Variants in GARIN2 observed in about 807,000 individuals in gnomAD.
GARIN2 encodes Golgi-associated RAB2 interactor protein 2.
chr14:67,220,471 C>G, the GARIN2 span, among the ~76,000 whole-genome samples: 1 of 151,712 alleles, frequency 6.6e-6, no homozygotes. Flanking sequence ...AAATGATGAC[C>G]TTGTTGAATA....
chr14:67,216,144 G>A, the GARIN2 span, among the ~76,000 whole-genome samples: 1 of 152,046 alleles, frequency 6.6e-6, no homozygotes, highest in Admixed American at 6.6e-5. Flanking sequence ...TACAGTCAAT[G>A]AACACATATT....
the GARIN2 span, among the ~76,000 whole-genome samples, chr14:67,195,836 C>T: frequency 9.9e-5 from 15 of 151,908 alleles, no homozygotes; most frequent in Non-Finnish European, 8.8e-5. Flanking sequence ...CTCCGCCTCC[C>T]GGGTTCAAGC....
chr14:67,227,440 AAAAAAAAAAAAAAAAG>A, the GARIN2 span: 1 of 90,576 alleles, frequency 1.1e-5, no homozygotes, highest in Non-Finnish European at 1.9e-5. Flanking sequence ...ATGCTGTCTC[AAAAAAAAAAAAAAAAG>A]AAAAAAAAGA....
the GARIN2 span, chr14:67,199,625 T>C: frequency 6.3e-7 from 1 of 1,584,916 alleles, no homozygotes; most frequent in Non-Finnish European, 8.7e-7. Context: ...GCGCCATGGC[T>C]TAGCAGCTGG....
chr14:67,225,926 A>AGTGTGTGTGTGTGTGTGTGTGT, the GARIN2 span, among the ~76,000 whole-genome samples: 250 of 136,696 alleles, frequency 1.8e-3, 2 homozygotes, highest in Middle Eastern at 3.7e-3. Flanking sequence ...TAATGCTGTG[A>AGTGTGTGTGTGTGTGTGTGTGT]GTGTGTGTGT....
At chr14:67,193,772 A>G in the GARIN2 span, among the ~76,000 whole-genome samples, 1 of 142,608 alleles carries the variant, frequency 7.0e-6, no homozygotes, top group African/African-American at 2.6e-5. Context: ...GGAAGACCCA[A>G]TTTCTACAAA....
chr14:67,221,367 C>T, the GARIN2 span, among the ~76,000 whole-genome samples: 3 of 152,192 alleles, frequency 2.0e-5, no homozygotes, highest in African/African-American at 7.2e-5. Context: ...CCCCAGGTCT[C>T]TTTGAAACCC....
the GARIN2 span, among the ~76,000 whole-genome samples, chr14:67,193,390 G>T: frequency 8.3e-5 from 11 of 132,914 alleles, no homozygotes; most frequent in East Asian, 2.2e-4. Context: ...GATATATCTA[G>T]ATATATCTAG....
At chr14:67,197,383 A>G in the GARIN2 span, 3 of 152,172 alleles carry the variant, frequency 2.0e-5, no homozygotes, top group African/African-American at 7.2e-5. Context: ...TCTTACAGAT[A>G]AACCATGTGG....
the GARIN2 span, chr14:67,208,378 G>C: frequency 6.2e-7 from 1 of 1,614,012 alleles, no homozygotes; most frequent in Non-Finnish European, 8.5e-7. Context: ...CATCCAAGGA[G>C]ATGAAGGATA....
chr14:67,225,962 T>TGTGTGTGTGTGTGTGTGTGTGTGC, the GARIN2 span, among the ~76,000 whole-genome samples: 6 of 113,516 alleles, frequency 5.3e-5, no homozygotes, highest in African/African-American at 1.5e-4. Context: ...TGTGTGTGTG[T>TGTGTGTGTGTGTGTGTGTGTGTGC]GCGCGCGCGC....
the GARIN2 span, chr14:67,199,314 G>A: frequency 1.3e-3 from 2,064 of 1,609,296 alleles, 23 homozygotes; most frequent in African/African-American, 0.018. Flanking sequence ...AAGCCAATAC[G>A]GGTGAACAAG....
At chr14:67,223,687 C>A in the GARIN2 span, 1 of 954,220 alleles carries the variant, frequency 1.0e-6, no homozygotes, top group Non-Finnish European at 1.2e-6. Context: ...TGTTTGTTTT[C>A]TCTTATGTAT....
At chr14:67,205,125 C>A in the GARIN2 span, 1 of 1,514,120 alleles carries the variant, frequency 6.6e-7, no homozygotes, top group Non-Finnish European at 8.9e-7. Flanking sequence ...CTTTAATAAT[C>A]GAGAACTAGA....
chr14:67,209,057 C>A, the GARIN2 span, among the ~76,000 whole-genome samples: 2 of 152,112 alleles, frequency 1.3e-5, no homozygotes, highest in African/African-American at 2.4e-5. Context: ...GAAATGGTAT[C>A]ATTGCCTCAT....
the GARIN2 span, among the ~76,000 whole-genome samples, chr14:67,227,940 C>T: frequency 3.3e-5 from 5 of 151,982 alleles, no homozygotes; most frequent in East Asian, 1.9e-4. Flanking sequence ...GAGGCCAAGG[C>T]GGGTGGATCA....
At chr14:67,193,536 GAAATATATATCTATATATAGATCTATAT>G in the GARIN2 span, among the ~76,000 whole-genome samples, 2 of 140,450 alleles carry the variant, frequency 1.4e-5, no homozygotes, top group African/African-American at 5.2e-5. Context: ...TAGATCTATA[GAAATATATATCTATATATAGATCTATAT>G]CTATATAGAT....
At chr14:67,198,830 A>G in the GARIN2 span, 8 of 559,004 alleles carry the variant, frequency 1.4e-5, no homozygotes, top group Non-Finnish European at 2.6e-5. Context: ...TTCTCTAAAC[A>G]TTCAACATTA....
At chr14:67,222,255 C>T in the GARIN2 span, among the ~76,000 whole-genome samples, 77 of 152,238 alleles carry the variant, frequency 5.1e-4, no homozygotes, top group African/African-American at 1.7e-3. Flanking sequence ...ATGTCTTTAG[C>T]CTCTACCAGG....
Sources: gnomAD v4.1 joint callset for allele counts (sites outside exome capture counted in the v4.1 genomes callset) on GRCh38, gnomAD v4.1.1 for gene constraint, MANE v1.5 for transcripts, NCBI Gene and HGNC (gene_info 2026-07-23, HGNC 2026-07-21) for gene names.